The following NRG1 variants were observed in gnomAD, a reference collection of about 807,000 sequenced individuals.
The protein encoded by NRG1 is neuregulin 1.
A neutral mutation model predicts 63.8 loss-of-function variants in NRG1; 18 were observed. That is an observed-to-expected ratio of 0.28 (90% CI 0.19 to 0.42). NRG1 has a LOEUF of 0.42. Ranked by LOEUF, NRG1 falls within the 10% of genes least tolerant of loss-of-function variation. The pLI is 1.00. For missense variants in NRG1, 762 were observed against 814.7 expected, an observed-to-expected ratio of 0.94 and a Z score of 0.79; for synonymous variants, 302 against 301.3, an observed-to-expected ratio of 1.00 and a Z score of -0.02.
At chr8:32,414,987 A>G (rs931100927) in intron 1 of NRG1, among the ~76,000 whole-genome samples, 3 of 152,146 alleles carry the variant, frequency 2.0e-5, no homozygotes, top group African/African-American at 7.2e-5. Flanking sequence ...GATGATACCT[A>G]AACTTTGTGG....
chr8:32,253,297 T>C (rs960710814), intron 1 of NRG1, among the ~76,000 whole-genome samples: 1 of 152,194 alleles, frequency 6.6e-6, no homozygotes, highest in African/African-American at 2.4e-5. Flanking sequence ...TTCCTGTTTT[T>C]GCCTATTCAG....
At chr8:32,508,955 G>A (rs865837383) in intron 1 of NRG1, among the ~76,000 whole-genome samples, 13 of 151,442 alleles carry the variant, frequency 8.6e-5, no homozygotes, top group South Asian at 4.2e-4. Flanking sequence ...CGCTAGTCTC[G>A]AACTCCTGAC....
chr8:32,310,714 CT>C (rs1221118943), intron 1 of NRG1, among the ~76,000 whole-genome samples: 2 of 152,182 alleles, frequency 1.3e-5, no homozygotes, highest in East Asian at 3.9e-4. Context: ...ATTCTTGATT[CT>C]GGGGACTGGC....
rs143621334 is a variant in NRG1, at chr8:32,055,360, T to G, written c.37+415929T>G. ...GTGCCAGTTGCAAGAATTTTCTGAT[T>G]GACATTGATCATTTTCATTCAGAAT... On this transcript the variant is annotated intron_variant, in intron 1 of 10. Transcript: ENST00000519301. Among the ~76,000 whole-genome samples, 1,246 of 152,280 alleles carry G rather than the reference T, an allele frequency of 8.2e-3. 19 individuals carry two copies. Among genetic ancestry groups the G allele is most frequent in the African/African-American group, 0.029 (1,185 of 41,552 alleles).
chr8:31,993,679 A>G (rs1458627525), intron 1 of NRG1, among the ~76,000 whole-genome samples: 2 of 152,144 alleles, frequency 1.3e-5, no homozygotes, highest in South Asian at 2.1e-4. Flanking sequence ...TAAATTGCCC[A>G]GTCTCAGGTG....
At chr8:32,280,697 T>TTG (rs1554496199) in intron 1 of NRG1, among the ~76,000 whole-genome samples, 1 of 133,040 alleles carries the variant, frequency 7.5e-6, no homozygotes, top group African/African-American at 2.8e-5. Context: ...TTTTGTTTTT[T>TTG]TTTTTTTTTT....
chr8:32,458,279 T>A (rs1271375115), intron 1 of NRG1, among the ~76,000 whole-genome samples: 1 of 152,202 alleles, frequency 6.6e-6, no homozygotes, highest in Non-Finnish European at 1.5e-5. Flanking sequence ...AACTTGTATA[T>A]CCATATCAAA....
chr8:32,661,038 C>A (rs1448332639), intron 5 of NRG1, among the ~76,000 whole-genome samples: 2 of 152,126 alleles, frequency 1.3e-5, no homozygotes, highest in Non-Finnish European at 2.9e-5. Context: ...TACCATCATA[C>A]CTGCATTGTT....
At chr8:31,738,443 T>G (rs1814916645) in intron 1 of NRG1, among the ~76,000 whole-genome samples, 1 of 152,118 alleles carries the variant, frequency 6.6e-6, no homozygotes, top group African/African-American at 2.4e-5. Context: ...TTACAGTCAA[T>G]TATAATTTCT....
chr8:32,683,025 GT>G (rs1296876524), intron 5 of NRG1, among the ~76,000 whole-genome samples: 3 of 152,054 alleles, frequency 2.0e-5, no homozygotes, highest in African/African-American at 7.2e-5. Flanking sequence ...GGCAATTTTA[GT>G]TTACCTCTAT....
chr8:31,903,148 C>CTTTTTTTTTTTTT (rs35433200), intron 1 of NRG1, among the ~76,000 whole-genome samples: 1 of 125,516 alleles, frequency 8.0e-6, no homozygotes, highest in Non-Finnish European at 1.6e-5. Flanking sequence ...GAGCCTTCAA[C>CTTTTTTTTTTTTT]TTTTTTTTTT....
intron 1 of NRG1, among the ~76,000 whole-genome samples, chr8:32,120,953 A>G (rs1833367757): frequency 6.6e-6 from 1 of 152,046 alleles, no homozygotes; most frequent in South Asian, 2.1e-4. Context: ...GTAGGCAAAC[A>G]ACATTCAGGC....
intron 5 of NRG1, among the ~76,000 whole-genome samples, chr8:32,702,750 G>C (rs945378542): frequency 6.6e-6 from 1 of 152,160 alleles, no homozygotes; most frequent in Non-Finnish European, 1.5e-5. Context: ...CCAAAGTGCT[G>C]GGATTACAGG....
At chr8:31,855,785 G>T (rs542664339) in intron 1 of NRG1, among the ~76,000 whole-genome samples, 1 of 151,992 alleles carries the variant, frequency 6.6e-6, no homozygotes, top group African/African-American at 2.4e-5. Context: ...GCTTCCTTCA[G>T]GAGCTCTTTT....
intron 7 of NRG1, among the ~76,000 whole-genome samples, chr8:32,748,358 C>CAGAGAGAGAGAGAGAGAGAGAG (rs34657847): frequency 1.6e-5 from 2 of 122,010 alleles, no homozygotes; most frequent in African/African-American, 3.0e-5. Flanking sequence ...CACACACACA[C>CAGAGAGAGAGAGAGAGAGAGAG]AGAGAGAGAG....
intron 1 of NRG1, among the ~76,000 whole-genome samples, chr8:31,889,884 G>A (rs1831014182): frequency 6.6e-6 from 1 of 152,098 alleles, no homozygotes; most frequent in Non-Finnish European, 1.5e-5. Flanking sequence ...AGTGAGCCAG[G>A]AAAGTGGATC....
chr8:32,491,781 C>G (rs1381497723), intron 1 of NRG1, among the ~76,000 whole-genome samples: 1 of 152,208 alleles, frequency 6.6e-6, no homozygotes. Context: ...GATCTGATAG[C>G]ACCTTCCTGA....
chr8:32,750,663 G>A (rs796690831), intron 7 of NRG1, among the ~76,000 whole-genome samples: 9 of 146,326 alleles, frequency 6.2e-5, no homozygotes, highest in African/African-American at 2.3e-4. Context: ...GCAGTTGCAA[G>A]CTCTAGCAGC....
At chr8:32,587,237 G>A (rs2129534408) in intron 1 of NRG1, among the ~76,000 whole-genome samples, 1 of 152,072 alleles carries the variant, frequency 6.6e-6, no homozygotes, top group South Asian at 2.1e-4. Flanking sequence ...TTAAAGCAGA[G>A]AAGGTAATGT....
Sources: allele counts gnomAD v4.1 joint callset (sites outside exome capture counted in the v4.1 genomes callset), GRCh38; gene constraint gnomAD v4.1.1; transcripts MANE v1.5; gene names NCBI Gene and HGNC (gene_info 2026-07-23, HGNC 2026-07-21).